Variants in WWOX observed in about 807,000 individuals in gnomAD.
WWOX encodes WW domain-containing oxidoreductase.
A neutral mutation model predicts 46.2 loss-of-function variants in WWOX; 69 were observed. The observed-to-expected ratio is 1.49, with a 90% CI of 1.23 to 1.82. The LOEUF (loss-of-function observed/expected upper bound fraction) is 1.82, where lower values mean the gene tolerates loss of function less well. Among genes scored for constraint, WWOX ranks in the 40% most tolerant of loss-of-function variants. The pLI is 0.00. For missense variants in WWOX, 919 were observed against 542.6 expected (o/e 1.69, Z -6.89); for synonymous variants, 359 against 202.6 (o/e 1.77, Z -6.56).
At chr16:79,009,846 T>C (rs79188310) in intron 8 of WWOX, among the ~76,000 whole-genome samples, 2,994 of 152,256 alleles carry the variant, frequency 0.02, 94 homozygotes, top group African/African-American at 0.069. Flanking sequence ...CATGGGGGCT[T>C]CGACCTCATC....
chr16:78,880,851 G>C lies in WWOX; in HGVS notation c.1057-330757G>C, dbSNP rs2044327706. 1.3e-5 allele frequency among the ~76,000 whole-genome samples: 2 copies of C among 152,262 alleles called. 1 individual carries two copies. Among genetic ancestry groups the C allele is most frequent in the South Asian group, 4.2e-4 (2 of 4,818 alleles). ...TAAGTTGGGATCAGTTCACGATTCA[G>C]AGAAATGCTCTGCCTTCTTGTCTAT... On this transcript the variant is annotated intron_variant, in intron 8 of 8. Coordinates refer to ENST00000566780, the MANE Select transcript of WWOX (RefSeq NM_016373.4).
chr16:78,739,739 A>G (rs1203879452), intron 8 of WWOX, among the ~76,000 whole-genome samples: 1 of 152,150 alleles, frequency 6.6e-6, no homozygotes, highest in Non-Finnish European at 1.5e-5. Flanking sequence ...TGAACCCAGG[A>G]GGCGGAGGTT....
At chr16:79,047,274 G>C (rs950021742) in intron 8 of WWOX, among the ~76,000 whole-genome samples, 4 of 152,192 alleles carry the variant, frequency 2.6e-5, no homozygotes, top group South Asian at 2.1e-4. Flanking sequence ...ACAAATACTT[G>C]TGTGAGAAGC....
chr16:78,477,637 A>G (rs911544701), intron 8 of WWOX, among the ~76,000 whole-genome samples: 6 of 152,184 alleles, frequency 3.9e-5, no homozygotes, highest in Admixed American at 2.6e-4. Flanking sequence ...TTGATAATTA[A>G]TAGTGAAATC....
intron 8 of WWOX, among the ~76,000 whole-genome samples, chr16:78,626,667 G>C (rs941858585): frequency 1.1e-4 from 17 of 152,266 alleles, no homozygotes; most frequent in African/African-American, 3.4e-4. Flanking sequence ...GCCTTTGGAG[G>C]AGTGTTGCTG....
intron 8 of WWOX, among the ~76,000 whole-genome samples, chr16:78,943,830 C>G (rs2045898847): frequency 6.6e-6 from 1 of 152,146 alleles, no homozygotes; most frequent in African/African-American, 2.4e-5. Context: ...GACTAAATGG[C>G]TCCCCGATGT....
intron 8 of WWOX, among the ~76,000 whole-genome samples, chr16:78,654,673 G>C (rs1018526618): frequency 6.6e-6 from 1 of 152,092 alleles, no homozygotes; most frequent in Non-Finnish European, 1.5e-5. Flanking sequence ...GTATGTGTGT[G>C]TGTGTATAAA....
intron 8 of WWOX, among the ~76,000 whole-genome samples, chr16:78,670,733 A>C (rs191775774): frequency 1.3e-5 from 2 of 152,164 alleles, no homozygotes; most frequent in East Asian, 3.9e-4. Flanking sequence ...GCTAGTCTCA[A>C]ACTGTTGGGC....
chr16:79,165,174 A>T (rs2050568085), intron 8 of WWOX, among the ~76,000 whole-genome samples: 2 of 152,130 alleles, frequency 1.3e-5, no homozygotes, highest in Non-Finnish European at 2.9e-5. Context: ...AAACTAGATA[A>T]ATCTCCCTGG....
chr16:78,403,012 C>T (rs770326719), intron 6 of WWOX, among the ~76,000 whole-genome samples: 7 of 152,190 alleles, frequency 4.6e-5, no homozygotes, highest in Non-Finnish European at 7.3e-5. Flanking sequence ...TTTATCATAA[C>T]ATGGAATCTT....
At chr16:78,497,607 C>T (rs898212135) in intron 8 of WWOX, among the ~76,000 whole-genome samples, 2 of 152,270 alleles carry the variant, frequency 1.3e-5, no homozygotes, top group East Asian at 1.9e-4. Context: ...AGCGTAAATG[C>T]AAGAAAAGAA....
chr16:78,559,781 T>A (rs918197811), intron 8 of WWOX, among the ~76,000 whole-genome samples: 23 of 152,216 alleles, frequency 1.5e-4, no homozygotes, highest in Non-Finnish European at 1.6e-4. Context: ...ATTGCAGAAA[T>A]GGACAGGACA....
intron 8 of WWOX, among the ~76,000 whole-genome samples, chr16:78,443,693 C>G (rs572532776): frequency 1.3e-5 from 2 of 152,134 alleles, no homozygotes; most frequent in Non-Finnish European, 2.9e-5. Context: ...TTGCAATTCC[C>G]CTAGTTTTAT....
At chr16:78,665,789 A>C (rs2047316768) in intron 8 of WWOX, among the ~76,000 whole-genome samples, 1 of 152,106 alleles carries the variant, frequency 6.6e-6, no homozygotes, top group Admixed American at 6.5e-5. Flanking sequence ...GGTTCGAGTG[A>C]TTCTCCTACC....
chr16:78,119,080 A>G (rs2032960981), intron 4 of WWOX: 1 of 152,294 alleles, frequency 6.6e-6, no homozygotes, highest in Admixed American at 6.5e-5. Flanking sequence ...TAGGAGATCA[A>G]GAGGCCCGGA....
rs552762514 is a variant in WWOX at position 78,879,477 on chromosome 16, C to G, written c.1057-332131C>G. Reference sequence around the variant, plus strand: ...CTCTCACTTCCCCAAACATGTAATACCACCCTGGTCTTCAAGTCCACTCTC... The same window carrying G: ...CTCTCACTTCCCCAAACATGTAATAGCACCCTGGTCTTCAAGTCCACTCTC... On this transcript the variant is annotated intron_variant, in intron 8 of 8. Coordinates refer to ENST00000566780, the MANE Select transcript of WWOX (RefSeq NM_016373.4). 4.7e-4 allele frequency among the ~76,000 whole-genome samples: 71 copies of G among 152,082 alleles called. 1 individual carries two copies. Among genetic ancestry groups the G allele is most frequent in the Non-Finnish European group, 8.5e-4 (58 of 67,996 alleles).
At chr16:78,961,540 A>C (rs138140452) in intron 8 of WWOX, among the ~76,000 whole-genome samples, 1 of 151,896 alleles carries the variant, frequency 6.6e-6, no homozygotes, top group African/African-American at 2.4e-5. Flanking sequence ...GGGTACATAG[A>C]TGGATGTATG....
intron 8 of WWOX, among the ~76,000 whole-genome samples, chr16:78,716,064 AG>A (rs777082780): frequency 1.3e-5 from 2 of 150,982 alleles, no homozygotes; most frequent in African/African-American, 2.5e-5. Context: ...TCTAAAGGAA[AG>A]GGGAAAAAAA....
chr16:78,414,800 A>G (rs1246085414), intron 6 of WWOX, among the ~76,000 whole-genome samples: 2 of 152,142 alleles, frequency 1.3e-5, no homozygotes, highest in African/African-American at 4.8e-5. Flanking sequence ...TATTTAAACT[A>G]TAAACGAAAT....
Sources: gnomAD v4.1 joint callset for allele counts (sites outside exome capture counted in the v4.1 genomes callset) on GRCh38, gnomAD v4.1.1 for gene constraint, MANE v1.5 for transcripts, NCBI Gene and HGNC (gene_info 2026-07-23, HGNC 2026-07-21) for gene names.